Variants in HS6ST3 observed in about 807,000 individuals in gnomAD.
HS6ST3 encodes heparan-sulfate 6-O-sulfotransferase 3.
Under a neutral mutation model 36.7 loss-of-function variants are expected in HS6ST3, and 12 were observed. That is an observed-to-expected ratio of 0.33 (90% CI 0.21 to 0.53). The LOEUF is 0.53. HS6ST3 is among the 20% of genes least tolerant of loss of function. The pLI is 0.95. For synonymous variants in HS6ST3, 240 were observed against 257.5 expected (o/e 0.93, Z 0.65); for missense variants, 584 against 640.9 (o/e 0.91, Z 0.96).
intron 1 of HS6ST3, among the ~76,000 whole-genome samples, chr13:96,284,241 G>A (rs2054789347): frequency 6.6e-6 from 1 of 152,070 alleles, no homozygotes; most frequent in African/African-American, 2.4e-5. Context: ...TATATATGAA[G>A]GGGAGTTTAT....
chr13:96,360,942 T>TCCC (rs71113993), intron 1 of HS6ST3, among the ~76,000 whole-genome samples: 9 of 88,710 alleles, frequency 1.0e-4, no homozygotes, highest in Non-Finnish European at 1.3e-4. Flanking sequence ...CAAGACCCTG[T>TCCC]CCCAAAAAAA....
intron 1 of HS6ST3, among the ~76,000 whole-genome samples, chr13:96,622,036 G>A (rs1173860134): frequency 6.6e-6 from 1 of 152,160 alleles, no homozygotes; most frequent in African/African-American, 2.4e-5. Flanking sequence ...CTGTGAAGTG[G>A]ATCTAAGGTC....
intron 1 of HS6ST3, among the ~76,000 whole-genome samples, chr13:96,242,625 G>T (rs948413113): frequency 2.0e-5 from 3 of 151,342 alleles, no homozygotes; most frequent in Admixed American, 2.0e-4. Flanking sequence ...CCATGGTGTG[G>T]CATATGAAAC....
At chr13:96,784,650 C>T (rs1877600873) in intron 1 of HS6ST3, among the ~76,000 whole-genome samples, 1 of 152,058 alleles carries the variant, frequency 6.6e-6, no homozygotes, top group Non-Finnish European at 1.5e-5. Context: ...TATATATTAT[C>T]CTCAAGGAAC....
intron 1 of HS6ST3, among the ~76,000 whole-genome samples, chr13:96,480,734 T>C (rs903892828): frequency 1.3e-5 from 2 of 152,188 alleles, no homozygotes; most frequent in Non-Finnish European, 2.9e-5. Context: ...CTTAGTGTTA[T>C]GTTTCCCTTT....
At chr13:96,266,228 C>T (rs1400343452) in intron 1 of HS6ST3, among the ~76,000 whole-genome samples, 2 of 152,160 alleles carry the variant, frequency 1.3e-5, no homozygotes, top group African/African-American at 2.4e-5. Flanking sequence ...CGCCTCAGAT[C>T]AGAGTGTCAT....
intron 1 of HS6ST3, among the ~76,000 whole-genome samples, chr13:96,814,535 C>A (rs1455778972): frequency 1.3e-5 from 2 of 152,106 alleles, no homozygotes; most frequent in Non-Finnish European, 2.9e-5. Flanking sequence ...TTTTCAATTT[C>A]AATGCACAGT....
chr13:96,683,792 A>C (rs527308504), intron 1 of HS6ST3, among the ~76,000 whole-genome samples: 1 of 152,232 alleles, frequency 6.6e-6, no homozygotes, highest in African/African-American at 2.4e-5. Context: ...ATAGAAGACA[A>C]TTATTTCTAT....
intron 1 of HS6ST3, among the ~76,000 whole-genome samples, chr13:96,637,181 GGA>G (rs1439689427): frequency 6.6e-6 from 1 of 152,036 alleles, no homozygotes; most frequent in Non-Finnish European, 1.5e-5. Flanking sequence ...TTTGTTAGTT[GGA>G]GAGAGGCCCA....
intron 1 of HS6ST3, among the ~76,000 whole-genome samples, chr13:96,567,466 G>A (rs1200176720): frequency 6.6e-6 from 1 of 152,118 alleles, no homozygotes; most frequent in African/African-American, 2.4e-5. Flanking sequence ...CTGCGGGGAA[G>A]TAATTTTGAG....
intron 1 of HS6ST3, among the ~76,000 whole-genome samples, chr13:96,814,467 T>A (rs1469218713): frequency 6.6e-6 from 1 of 152,208 alleles, no homozygotes; most frequent in Non-Finnish European, 1.5e-5. Flanking sequence ...CATTTGGATC[T>A]TGTCTTTATC....
At chr13:96,159,788 T>C (rs753333572) in intron 1 of HS6ST3, among the ~76,000 whole-genome samples, 6 of 152,190 alleles carry the variant, frequency 3.9e-5, no homozygotes, top group Non-Finnish European at 8.8e-5. Flanking sequence ...TTCAATCTGA[T>C]AATAAGGCTA....
At chr13:96,784,598 TAGTC>T (rs1779142369) in intron 1 of HS6ST3, among the ~76,000 whole-genome samples, 1 of 152,194 alleles carries the variant, frequency 6.6e-6, no homozygotes, top group Non-Finnish European at 1.5e-5. Context: ...AACAACTAAT[TAGTC>T]AGCTGAAAAT....
intron 1 of HS6ST3, among the ~76,000 whole-genome samples, chr13:96,393,641 AC>A (rs1213537678): frequency 4.6e-5 from 7 of 152,186 alleles, no homozygotes; most frequent in African/African-American, 1.7e-4. Context: ...AAGAATTTAA[AC>A]TTTGCGGCAT....
intron 1 of HS6ST3, among the ~76,000 whole-genome samples, chr13:96,534,578 G>C (rs1210858663): frequency 1.3e-5 from 2 of 152,162 alleles, no homozygotes; most frequent in Non-Finnish European, 2.9e-5. Context: ...TCACCATTGT[G>C]GTTGTCACTA....
At chr13:96,407,383 C>T (rs1325810330) in intron 1 of HS6ST3, among the ~76,000 whole-genome samples, 14 of 152,102 alleles carry the variant, frequency 9.2e-5, no homozygotes, top group Admixed American at 9.2e-4. Context: ...CCATTCACTC[C>T]CTGTTTAACT....
In HS6ST3 at chr13:96,368,258, C is replaced by A. The variant is rs188794017; in HGVS notation, c.707+276689C>A. The stretch of plus-strand genomic sequence containing the variant: ...TAAGGGGCTGGCAGTCATAGGACGA[C>A]CCTATTTGGATTGAAGATAGGGTAC... On this transcript the variant is annotated intron_variant, in intron 1 of 1. Coordinates refer to ENST00000376705, the MANE Select transcript of HS6ST3 (RefSeq NM_153456.4). 6.5e-3 allele frequency among the ~76,000 whole-genome samples: 995 copies of A among 152,148 alleles called. 8 individuals carry two copies. The highest frequency in any genetic ancestry group is 0.011 in the Non-Finnish European group (718 of 68,014).
intron 1 of HS6ST3, among the ~76,000 whole-genome samples, chr13:96,284,865 A>T (rs938275189): frequency 1.3e-5 from 2 of 151,764 alleles, no homozygotes; most frequent in Non-Finnish European, 2.9e-5. Flanking sequence ...TACATTGGCT[A>T]TGCATATATT....
chr13:96,630,906 CTT>C (rs1025256178), intron 1 of HS6ST3, among the ~76,000 whole-genome samples: 9 of 152,034 alleles, frequency 5.9e-5, no homozygotes, highest in African/African-American at 2.2e-4. Context: ...TCTATGTTGT[CTT>C]TTTGTGTAGT....
Sources: allele counts gnomAD v4.1 joint callset (sites outside exome capture counted in the v4.1 genomes callset), GRCh38; gene constraint gnomAD v4.1.1; transcripts MANE v1.5; gene names NCBI Gene and HGNC (gene_info 2026-07-23, HGNC 2026-07-21).